The following TTC3 variants were observed in gnomAD, a reference collection of about 807,000 sequenced individuals.
The protein encoded by TTC3 is E3 ubiquitin-protein ligase TTC3.
TTC3 carries 180 observed loss-of-function variants against 249.6 expected under a neutral mutation model. The ratio of observed to expected loss-of-function variants is 0.72; its 90% CI spans 0.64 to 0.82. The LOEUF is 0.82. Among genes scored for constraint, TTC3 ranks in the 40% least tolerant of loss-of-function variants. The probability of loss-of-function intolerance (pLI) is 0.00; values close to 1 mark genes in which losing one functional copy is unlikely to be tolerated. For synonymous variants in TTC3, 717 were observed against 805.0 expected, an observed-to-expected ratio of 0.89 and a Z score of 1.85; for missense variants, 2,061 against 2,398.4, an observed-to-expected ratio of 0.86 and a Z score of 2.94.
chr21:37,135,639 AC>A, intron 18 of TTC3, 125 bp downstream of exon 18: 1 of 1,170,368 alleles, frequency 8.5e-7, no homozygotes, highest in Non-Finnish European at 1.2e-6. Flanking sequence ...GGCTGAATCT[AC>A]TTCAGGTTAT....
chr21:37,188,300 G>C (rs1811472825), intron 38 of TTC3, 195 bp from the exon 39 acceptor site: 1 of 500,336 alleles, frequency 2.0e-6, no homozygotes, highest in Non-Finnish European at 3.6e-6. Context: ...ATGCATTTGT[G>C]ATGTCATTTT....
intron 20 of TTC3, 48 bp from the exon 21 acceptor site, chr21:37,144,477 A>T: frequency 6.3e-7 from 1 of 1,583,170 alleles, no homozygotes; most frequent in South Asian, 1.2e-5. Flanking sequence ...AAGGGAGTGA[A>T]AATACCATTT....
rs544845309 is a variant in TTC3, at chr21:37,191,986, C to T, written c.5116-126C>T. ...ATGTTTGAAAAGGCTTTGGAGCATT[C>T]GGTTTAATGAGGTCTTATTTTGAAT... On this transcript the variant is annotated intron_variant, in intron 40 of 45. Transcript: ENST00000355666. 135 of 588,624 alleles carry T rather than the reference C, an allele frequency of 2.3e-4. 1 individual carries two copies. The South Asian group carries it at 3.0e-3, about 13-fold the overall frequency. 36.5% of individuals were successfully genotyped at this position (588,624 alleles called of 1,614,324 possible).
chr21:37,088,341 C>T (rs146821486), exon 4 of TTC3: 41 of 1,610,352 alleles, frequency 2.5e-5, no homozygotes, highest in African/African-American at 1.6e-4. Flanking sequence ...CCTGTGTGGA[C>T]GCCAAGTAAG....
intron 35 of TTC3, among the ~76,000 whole-genome samples, chr21:37,178,205 T>TTATTC (rs1490305005): frequency 6.6e-6 from 1 of 152,256 alleles, no homozygotes; most frequent in African/African-American, 2.4e-5. Flanking sequence ...ATATCACATT[T>TTATTC]TATTCATTCA....
At chr21:37,189,538 C>T (rs953897567) in intron 39 of TTC3, among the ~76,000 whole-genome samples, 16 of 150,528 alleles carry the variant, frequency 1.1e-4, no homozygotes, top group Non-Finnish European at 1.9e-4. Flanking sequence ...GCCACCGTAC[C>T]TGGCCTTGTT....
At chr21:37,168,765 T>C (rs1365569616) in intron 34 of TTC3, among the ~76,000 whole-genome samples, 2 of 152,140 alleles carry the variant, frequency 1.3e-5, no homozygotes, top group Non-Finnish European at 2.9e-5. Context: ...TATTTCACAA[T>C]TGTGAAATCT....
At chr21:37,095,311 G>A in intron 8 of TTC3, 39 bp from the exon 9 acceptor site, 1 of 1,386,480 alleles carries the variant, frequency 7.2e-7, no homozygotes, top group Middle Eastern at 2.5e-4. Context: ...ATGATTTTTG[G>A]AGGTCATTGA....
intron 5 of TTC3, 55 bp downstream of exon 5, chr21:37,088,941 T>G (rs2072890642): frequency 2.0e-6 from 3 of 1,494,718 alleles, no homozygotes; most frequent in South Asian, 2.4e-5. Context: ...ATATAAGCAT[T>G]TATATGGTGT....
In TTC3 at chr21:37,090,533, C is replaced by A. The variant is rs558922600; in HGVS notation, c.480+247C>A. 3 of 923,194 alleles carry A rather than the reference C, an allele frequency of 3.2e-6. No individual in the cohort carries two copies. The African/African-American group carries it at 5.5e-5, about 17-fold the overall frequency. 57.2% of individuals were successfully genotyped at this position (923,194 alleles called of 1,614,324 possible). On this transcript the variant is annotated intron_variant, in intron 6 of 45. Transcript: ENST00000355666. The stretch of plus-strand genomic sequence containing the variant: ...CCTATTTTACAAGTTGATTCTTTTT[C>A]TCTTTTAGATTATTTACCTGGCTTA...
intron 5 of TTC3, among the ~76,000 whole-genome samples, chr21:37,089,288 C>T (rs930942689): frequency 6.6e-6 from 1 of 151,954 alleles, no homozygotes; most frequent in Non-Finnish European, 1.5e-5. Flanking sequence ...GAGGAGGTGT[C>T]CTTCATTATG....
intron 11 of TTC3, among the ~76,000 whole-genome samples, chr21:37,121,013 A>G (rs1419404508): frequency 1.3e-5 from 2 of 152,164 alleles, no homozygotes; most frequent in Non-Finnish European, 2.9e-5. Flanking sequence ...CCTTGCCAGT[A>G]GTACTGTGCC....
rs2148130552 is a variant in TTC3 at position 37,177,274 on chromosome 21, C to T, written c.4617+4530C>T. On this transcript the variant is annotated intron_variant, in intron 35 of 45. Coordinates refer to ENST00000355666, the Ensembl canonical transcript of TTC3. Reference sequence around the variant, plus strand: ...GGCAAGCAAAGATGGCCACACGGCACCTTTCAAGCTTCTACTGACTTCAGG... The same window carrying T: ...GGCAAGCAAAGATGGCCACACGGCATCTTTCAAGCTTCTACTGACTTCAGG... Among the ~76,000 whole-genome samples, 2 of 152,280 alleles carry T rather than the reference C, an allele frequency of 1.3e-5. 1 individual carries two copies. The highest frequency in any genetic ancestry group is 6.8e-3 in the Middle Eastern group (2 of 294).
At chr21:37,133,081 G>A (rs555866243) in intron 17 of TTC3, among the ~76,000 whole-genome samples, 1 of 152,078 alleles carries the variant, frequency 6.6e-6, no homozygotes, top group Non-Finnish European at 1.5e-5. Flanking sequence ...TGATAATTAC[G>A]TTAGCTAGAG....
intron 10 of TTC3, chr21:37,098,474 G>C (rs1159504270): frequency 2.6e-5 from 4 of 152,464 alleles, no homozygotes; most frequent in Admixed American, 2.6e-4. Context: ...GTTTGGTGAG[G>C]TAAAGGCCAA....
chr21:37,112,406 T>C (rs1179707399), intron 11 of TTC3, among the ~76,000 whole-genome samples: 2 of 152,124 alleles, frequency 1.3e-5, no homozygotes, highest in African/African-American at 4.8e-5. Context: ...GAGAATACTG[T>C]AAACACCTCT....
chr21:37,090,331 G>A (rs572741321), intron 6 of TTC3, 45 bp downstream of exon 6: 8 of 1,512,344 alleles, frequency 5.3e-6, no homozygotes, highest in African/African-American at 1.4e-5. Context: ...GTGGATGAGT[G>A]GCAGTCATCT....
At chr21:37,109,547 TAAAC>T (rs984911349) in intron 11 of TTC3, among the ~76,000 whole-genome samples, 1 of 152,136 alleles carries the variant, frequency 6.6e-6, no homozygotes, top group Non-Finnish European at 1.5e-5. Context: ...CTTGAGTAGG[TAAAC>T]AAAGCAGCCC....
chr21:37,171,778 C>G (rs1309382015), intron 34 of TTC3, among the ~76,000 whole-genome samples: 1 of 152,228 alleles, frequency 6.6e-6, no homozygotes, highest in Non-Finnish European at 1.5e-5. Flanking sequence ...CCATAATTCA[C>G]AGTTCTCCAA....
Sources: gnomAD v4.1 joint callset for allele counts (sites outside exome capture counted in the v4.1 genomes callset) on GRCh38, gnomAD v4.1.1 for gene constraint, MANE v1.5 for transcripts, NCBI Gene and HGNC (gene_info 2026-07-23, HGNC 2026-07-21) for gene names.